Variants in CEMIP observed in about 807,000 individuals in gnomAD.
CEMIP encodes the protein cell migration inducing hyaluronidase 1, also known as cell migration-inducing and hyaluronan-binding protein.
A neutral mutation model predicts 156.9 loss-of-function variants in CEMIP; 105 were observed. The observed-to-expected ratio is 0.67, with a 90% CI of 0.57 to 0.79. The LOEUF (loss-of-function observed/expected upper bound fraction) is 0.79. CEMIP is among the 30% of genes least tolerant of loss of function. The pLI, the probability that CEMIP is intolerant of heterozygous loss-of-function variation, is 0.00. For missense variants in CEMIP, 1,457 were observed against 1,769.4 expected (o/e 0.82, Z 3.17); for synonymous variants, 676 against 668.4 (o/e 1.01, Z -0.17).
intron 13 of CEMIP, among the ~76,000 whole-genome samples, chr15:80,908,278 A>C (rs1214723893): frequency 2.0e-5 from 3 of 152,272 alleles, no homozygotes; most frequent in South Asian, 2.1e-4. Context: ...ACTCTTTCCC[A>C]CTGAGCTCAA....
At position 80,880,972 on chromosome 15, in the gene CEMIP, T is replaced by C. The variant is rs1277234303; in HGVS notation, c.453T>C (p.Leu151=). The change falls in exon 6 of 30, where the codon CTT becomes CTC. Residue 151 remains leucine (L), a synonymous_variant. Coordinates refer to ENST00000394685, the MANE Select transcript of CEMIP (RefSeq NM_001293298.2). ...KYIGVGKGGA[L]ELHGQKKLSW... is the part of the protein sequence containing the mutation. ...TTGGGGTTGGTAAAGGAGGCGCTCT[T>C]GAGTTGCATGGACAGAAAAAGCTCT... 7 of 1,614,244 alleles carry C rather than the reference T, an allele frequency of 4.3e-6. No individual in the cohort carries two copies. The highest frequency in any genetic ancestry group is 5.9e-6 in the Non-Finnish European group (7 of 1,180,038).
intron 1 of CEMIP, among the ~76,000 whole-genome samples, chr15:80,858,107 T>C (rs1897896539): frequency 6.6e-6 from 1 of 151,982 alleles, no homozygotes; most frequent in Admixed American, 6.5e-5. Flanking sequence ...TCATTCTTGG[T>C]GTGATGGGAA....
At chr15:80,909,029 TG>T in intron 13 of CEMIP, 67 bp from the exon 14 acceptor site, 1 of 1,450,436 alleles carries the variant, frequency 6.9e-7, no homozygotes, top group Non-Finnish European at 9.6e-7. Context: ...CTTTGGAATA[TG>T]GGCACCAGCC....
rs983997897 is a variant in CEMIP at position 80,950,054 on chromosome 15, C to G, written c.*1130C>G. 3 of 152,398 alleles carry G rather than the reference C, an allele frequency of 2.0e-5. No homozygotes were observed. Among genetic ancestry groups the G allele is most frequent in the Admixed American group, 2.0e-4 (3 of 15,286 alleles). The allele number at this position is 152,398 out of a possible 1,614,324, so 9.4% of individuals were successfully genotyped here. A position where few individuals can be genotyped will look rare whatever the true frequency, so the allele number is the denominator to read the frequency against. On this transcript the variant is annotated 3_prime_UTR_variant, in exon 30 of 30. Transcript: ENST00000394685. ...TCCCCAGGCAGCCCTGCCTCTGACT[C>G]CAAGAGGGTGAAGTCCACAGAAGTG...
At chr15:80,798,216 T>C (rs1896281627) in intron 1 of CEMIP, among the ~76,000 whole-genome samples, 1 of 152,242 alleles carries the variant, frequency 6.6e-6, no homozygotes, top group South Asian at 2.1e-4. Flanking sequence ...AATATTTTTC[T>C]AGTGTTATTA....
chr15:80,813,118 G>C (rs1446188331), intron 1 of CEMIP, among the ~76,000 whole-genome samples: 1 of 152,148 alleles, frequency 6.6e-6, no homozygotes, highest in African/African-American at 2.4e-5. Flanking sequence ...ATGAAAACAA[G>C]AGCTAATAGT....
intron 12 of CEMIP, among the ~76,000 whole-genome samples, chr15:80,900,566 C>T (rs1207078029): frequency 7.8e-6 from 1 of 128,894 alleles, no homozygotes; most frequent in Non-Finnish European, 1.6e-5. Flanking sequence ...TGAACAGCAC[C>T]AGAAAAGCCC....
intron 7 of CEMIP, among the ~76,000 whole-genome samples, chr15:80,887,057 A>G (rs540691262): frequency 2.3e-4 from 35 of 152,340 alleles, no homozygotes; most frequent in Middle Eastern, 3.4e-3. Flanking sequence ...GGCATTACGC[A>G]AAATGCCTAA....
intron 1 of CEMIP, among the ~76,000 whole-genome samples, chr15:80,827,017 G>A (rs559505368): frequency 2.6e-4 from 40 of 152,306 alleles, no homozygotes; most frequent in Admixed American, 7.8e-4. Context: ...GCAGGACTGA[G>A]GATGGGTTTA....
At chr15:80,807,245 T>C (rs1291841757) in intron 1 of CEMIP, among the ~76,000 whole-genome samples, 1 of 151,772 alleles carries the variant, frequency 6.6e-6, no homozygotes. Flanking sequence ...TTTTTTTTTT[T>C]TTTGAGACAG....
Position 80,880,951 on chromosome 15 carries a change from G to A in CEMIP, c.432G>A (p.Gly144=), listed in dbSNP as rs1282894689. The A allele has an allele frequency of 6.2e-7, 1 of 1,614,084 alleles. No individual in the cohort carries two copies. The highest frequency in any genetic ancestry group is 1.3e-5 in the African/African-American group (1 of 74,918). Residue 144 remains glycine, a synonymous_variant, in exon 6 of 30, where the codon GGG becomes GGA. Coordinates refer to ENST00000394685, the MANE Select transcript of CEMIP (RefSeq NM_001293298.2). ...CTTACTATGGTCTGAAGTACATTGG[G>A]GTTGGTAAAGGAGGCGCTCTTGAGT... ...PDPYYGLKYI[G]VGKGGALELH...
At chr15:80,929,797 G>A (rs1462977436) in intron 21 of CEMIP, among the ~76,000 whole-genome samples, 1 of 152,260 alleles carries the variant, frequency 6.6e-6, no homozygotes, top group African/African-American at 2.4e-5. Flanking sequence ...CAACAGAATA[G>A]CAGGACTGTC....
intron 1 of CEMIP, among the ~76,000 whole-genome samples, chr15:80,793,688 C>T (rs1896142030): frequency 6.6e-6 from 1 of 152,136 alleles, no homozygotes; most frequent in Admixed American, 6.5e-5. Flanking sequence ...TTCTCAATGG[C>T]TTTGTAAACC....
chr15:80,931,312 C>T (rs1900902535), intron 21 of CEMIP, among the ~76,000 whole-genome samples: 1 of 152,186 alleles, frequency 6.6e-6, no homozygotes, highest in African/African-American at 2.4e-5. Context: ...TTCCCAAACC[C>T]AGCACACTGC....
At chr15:80,873,763 C>G in intron 2 of CEMIP, 67 bp downstream of exon 2, 3 of 799,196 alleles carry the variant, frequency 3.8e-6, no homozygotes, top group South Asian at 1.5e-5. Context: ...TGTCCCGTGT[C>G]TGTGTGTGTG....
Position 80,879,944 on chromosome 15 carries a change from G to C in CEMIP, c.380+90G>C, listed in dbSNP as rs569225092. 2.4e-5 allele frequency: 34 copies of C among 1,431,652 alleles called. No individual in the cohort carries two copies. In the African/African-American group the frequency reaches 3.1e-4, roughly 13 times the overall value. The allele number at this position is 1,431,652 out of a possible 1,614,324, so 88.7% of individuals were successfully genotyped here. Reference sequence around the variant, plus strand: ...GACAGAGAGAGAGGCAAGAGGGCAAGCTTGCCTGTAAGATAGGAATCATTC... The same window carrying C: ...GACAGAGAGAGAGGCAAGAGGGCAACCTTGCCTGTAAGATAGGAATCATTC... On this transcript the variant is annotated intron_variant, in intron 5 of 29. Transcript: ENST00000394685.
At chr15:80,864,465 C>T (rs922688733) in intron 1 of CEMIP, among the ~76,000 whole-genome samples, 18 of 152,314 alleles carry the variant, frequency 1.2e-4, no homozygotes, top group African/African-American at 2.2e-4. Context: ...CGTCACTGCC[C>T]GGGAGGCAAC....
At chr15:80,846,708 G>A (rs1168396492) in intron 1 of CEMIP, among the ~76,000 whole-genome samples, 4 of 152,256 alleles carry the variant, frequency 2.6e-5, no homozygotes, top group Non-Finnish European at 5.9e-5. Flanking sequence ...AGGTGGGGCA[G>A]GATTTGAGTG....
chr15:80,916,500 G>T (rs1030844311), intron 14 of CEMIP, among the ~76,000 whole-genome samples: 1 of 152,172 alleles, frequency 6.6e-6, no homozygotes, highest in Non-Finnish European at 1.5e-5. Context: ...ATTACTTCTG[G>T]TTGGCATACA....
Sources: allele counts gnomAD v4.1 joint callset (sites outside exome capture counted in the v4.1 genomes callset), GRCh38; gene constraint gnomAD v4.1.1; transcripts MANE v1.5; gene names NCBI Gene and HGNC (gene_info 2026-07-23, HGNC 2026-07-21).